The following PRELID2 variants were observed in gnomAD, a reference collection of about 807,000 sequenced individuals.
PRELID2 encodes the protein PRELI domain-containing protein 2.
A neutral mutation model predicts 28.4 loss-of-function variants in PRELID2; 25 were observed. That is an observed-to-expected ratio of 0.88 (90% CI 0.64 to 1.23). The LOEUF is 1.23. Among genes scored for constraint, PRELID2 ranks in the 50% most tolerant of loss-of-function variants. PRELID2 has a pLI of 0.00. For missense variants in PRELID2, 201 were observed against 214.4 expected, an observed-to-expected ratio of 0.94 and a Z score of 0.39; for synonymous variants, 76 against 71.6, an observed-to-expected ratio of 1.06 and a Z score of -0.31.
chr5:145,825,253 A>AAC (rs1561654987), intron 1 of PRELID2, among the ~76,000 whole-genome samples: 1 of 143,878 alleles, frequency 7.0e-6, no homozygotes, highest in Admixed American at 7.0e-5. Flanking sequence ...AAAAAAAAAA[A>AAC]AAAAAAACTT....
At chr5:145,735,366 G>A (rs1314952203) in intron 1 of PRELID2, among the ~76,000 whole-genome samples, 2 of 151,920 alleles carry the variant, frequency 1.3e-5, no homozygotes, top group Non-Finnish European at 2.9e-5. Flanking sequence ...TTTAATAAAG[G>A]GCTTTTACAA....
the PRELID2 span, among the ~76,000 whole-genome samples, chr5:145,323,493 G>A: frequency 6.6e-6 from 1 of 152,190 alleles, no homozygotes; most frequent in African/African-American, 2.4e-5. Flanking sequence ...AGGTTCAGGT[G>A]TACATGCATG....
At chr5:145,342,902 T>TAAAAAAAAAAAAAAAAA in the PRELID2 span, among the ~76,000 whole-genome samples, 1 of 128,972 alleles carries the variant, frequency 7.8e-6, no homozygotes, top group Non-Finnish European at 1.7e-5. Flanking sequence ...TCAAAAACAG[T>TAAAAAAAAAAAAAAAAA]AAAAAAAAAA....
chr5:145,304,119 A>T, the PRELID2 span, among the ~76,000 whole-genome samples: 1 of 152,178 alleles, frequency 6.6e-6, no homozygotes, highest in Non-Finnish European at 1.5e-5. Flanking sequence ...ATCGTTTATA[A>T]AATATTGGCA....
chr5:145,696,387 C>A (rs1017593660), intron 1 of PRELID2, among the ~76,000 whole-genome samples: 1 of 152,040 alleles, frequency 6.6e-6, no homozygotes, highest in African/African-American at 2.4e-5. Flanking sequence ...TCAGAGACAC[C>A]TTTCATTCGT....
intron 1 of PRELID2, among the ~76,000 whole-genome samples, chr5:145,515,124 A>G (rs567332995): frequency 1.8e-4 from 28 of 152,216 alleles, no homozygotes; most frequent in Non-Finnish European, 3.2e-4. Context: ...AACAAATTCA[A>G]AAGCTAGCAG....
intron 1 of PRELID2, among the ~76,000 whole-genome samples, chr5:145,495,108 C>A (rs958639406): frequency 6.6e-6 from 1 of 152,134 alleles, no homozygotes; most frequent in African/African-American, 2.4e-5. Flanking sequence ...TAACTCATTT[C>A]AATCAAATGT....
the PRELID2 span, among the ~76,000 whole-genome samples, chr5:145,251,324 C>T: frequency 1.3e-5 from 2 of 152,108 alleles, no homozygotes; most frequent in African/African-American, 4.8e-5. Context: ...ACAGAATACA[C>T]AATAGCATCA....
At chr5:145,414,016 G>C in the PRELID2 span, among the ~76,000 whole-genome samples, 9 of 152,030 alleles carry the variant, frequency 5.9e-5, no homozygotes, top group Non-Finnish European at 1.0e-4. Flanking sequence ...CTAAGAAAAG[G>C]GAGAAGAAAA....
chr5:145,510,459 GA>G (rs1404175032), intron 1 of PRELID2, among the ~76,000 whole-genome samples: 1 of 152,198 alleles, frequency 6.6e-6, no homozygotes, highest in Non-Finnish European at 1.5e-5. Flanking sequence ...AGAGGCCTCA[GA>G]GGGGGAGGCA....
chr5:145,287,455 A>T, the PRELID2 span, among the ~76,000 whole-genome samples: 1 of 152,274 alleles, frequency 6.6e-6, no homozygotes, highest in Admixed American at 6.5e-5. Context: ...ATGCTGAAAA[A>T]AGGGGTGGAG....
chr5:145,269,307 T>A, the PRELID2 span, among the ~76,000 whole-genome samples: 1 of 152,100 alleles, frequency 6.6e-6, no homozygotes, highest in Non-Finnish European at 1.5e-5. Flanking sequence ...AGCAAATAGA[T>A]CATTGAAACA....
the PRELID2 span, among the ~76,000 whole-genome samples, chr5:145,339,688 T>C: frequency 2.0e-5 from 3 of 152,150 alleles, no homozygotes; most frequent in Admixed American, 2.0e-4. Context: ...CTGCTGCCAG[T>C]GTAGGCTGCA....
At chr5:145,307,018 T>G in the PRELID2 span, among the ~76,000 whole-genome samples, 2 of 152,226 alleles carry the variant, frequency 1.3e-5, no homozygotes, top group African/African-American at 2.4e-5. Flanking sequence ...ATATATGATC[T>G]TTATAGTCTT....
rs568148361 is a variant in PRELID2, at chr5:145,768,705, G to T, written c.475-3705C>A. Among the ~76,000 whole-genome samples the T allele has an allele frequency of 2.6e-5, 4 of 152,270 alleles. No homozygotes were observed. In the South Asian group the frequency reaches 6.2e-4, roughly 24 times the overall value. Reference sequence around the variant, plus strand: ...AAACTTTCCCATCCATCTAAATTAAGACCTCCACCACTTATTGAACTGAAC... The same window carrying T: ...AAACTTTCCCATCCATCTAAATTAATACCTCCACCACTTATTGAACTGAAC... On this transcript the variant is annotated intron_variant, in intron 5 of 6. Transcript: ENST00000683046.
intron 4 of PRELID2, among the ~76,000 whole-genome samples, chr5:145,809,509 T>G (rs964498561): frequency 1.3e-5 from 2 of 152,098 alleles, no homozygotes; most frequent in East Asian, 3.9e-4. Flanking sequence ...TGCAGGGCCC[T>G]GGGAGAGCTT....
intron 1 of PRELID2, among the ~76,000 whole-genome samples, chr5:145,507,689 T>C (rs1752424179): frequency 6.6e-6 from 1 of 152,116 alleles, no homozygotes; most frequent in African/African-American, 2.4e-5. Flanking sequence ...TCACTGGCTT[T>C]TGTTTCCACA....
chr5:145,341,427 C>G, the PRELID2 span, among the ~76,000 whole-genome samples: 2 of 151,970 alleles, frequency 1.3e-5, no homozygotes, highest in Non-Finnish European at 2.9e-5. Flanking sequence ...GTAATATCAG[C>G]TACTCAGGAG....
chr5:145,341,829 C>T, the PRELID2 span, among the ~76,000 whole-genome samples: 1 of 151,744 alleles, frequency 6.6e-6, no homozygotes, highest in Admixed American at 6.6e-5. Flanking sequence ...AAGATTAGAA[C>T]ATTTATTTAA....
Sources: allele counts gnomAD v4.1 joint callset (sites outside exome capture counted in the v4.1 genomes callset), GRCh38; gene constraint gnomAD v4.1.1; transcripts MANE v1.5; gene names NCBI Gene and HGNC (gene_info 2026-07-23, HGNC 2026-07-21).